Variants in ABCA13 observed in about 807,000 individuals in gnomAD.
ABCA13 encodes the protein ATP-binding cassette sub-family A member 13.
ABCA13 carries 476 observed loss-of-function variants against 478.7 expected under a neutral mutation model. That is an observed-to-expected ratio of 0.99 (90% CI 0.92 to 1.07). The LOEUF (loss-of-function observed/expected upper bound fraction) is 1.07, where lower values mean the gene tolerates loss of function less well. Ranked by LOEUF, ABCA13 falls within the 50% of genes least tolerant of loss-of-function variation. The pLI, the probability that ABCA13 is intolerant of heterozygous loss-of-function variation, is 0.00. For synonymous variants in ABCA13, 2,252 were observed against 2,158.9 expected (o/e 1.04, Z -1.20); for missense variants, 6,060 against 5,910.6 (o/e 1.03, Z -0.83).
At chr7:48,382,676 C>CT (rs1264223968) in intron 35 of ABCA13, among the ~76,000 whole-genome samples, 1 of 151,934 alleles carries the variant, frequency 6.6e-6, no homozygotes, top group African/African-American at 2.4e-5. Flanking sequence ...ATTCTCATTC[C>CT]TTTTTCTTGG....
intron 23 of ABCA13, 65 bp from the exon 24 acceptor site, chr7:48,309,882 T>G: frequency 6.3e-7 from 1 of 1,575,684 alleles, no homozygotes; most frequent in Non-Finnish European, 8.7e-7. Flanking sequence ...GAAGCTCCGG[T>G]CTGAGGTGGT....
chr7:48,256,108 AG>A (rs1271991591), intron 15 of ABCA13, among the ~76,000 whole-genome samples: 5 of 152,128 alleles, frequency 3.3e-5, no homozygotes, highest in Non-Finnish European at 5.9e-5. Context: ...TCTTCTAAAA[AG>A]TGTCTGTTCA....
At chr7:48,332,898 A>G (rs765688203) in intron 27 of ABCA13, among the ~76,000 whole-genome samples, 2 of 152,122 alleles carry the variant, frequency 1.3e-5, no homozygotes, top group Non-Finnish European at 2.9e-5. Flanking sequence ...AAGTTTAATT[A>G]TGGTGTGGTT....
intron 42 of ABCA13, among the ~76,000 whole-genome samples, chr7:48,435,182 G>GTAACA (rs1822669074): frequency 6.6e-6 from 1 of 151,738 alleles, no homozygotes; most frequent in African/African-American, 2.4e-5. Context: ...ATTTTCTTCA[G>GTAACA]TAACATTTTG....
At chr7:48,214,088 C>T (rs577935572) in intron 3 of ABCA13, among the ~76,000 whole-genome samples, 6 of 152,326 alleles carry the variant, frequency 3.9e-5, no homozygotes, top group South Asian at 2.1e-4. Flanking sequence ...TCTTGCTCCA[C>T]GTGCTGCAGA....
At chr7:48,307,675 C>CTTTA (rs1213023108) in intron 23 of ABCA13, among the ~76,000 whole-genome samples, 3 of 152,048 alleles carry the variant, frequency 2.0e-5, no homozygotes, top group South Asian at 2.1e-4. Context: ...ACTTTATAAA[C>CTTTA]TTTATTTATT....
chr7:48,350,275 CT>C (rs112560282), intron 29 of ABCA13, among the ~76,000 whole-genome samples: 5,498 of 151,826 alleles, frequency 0.036, 122 homozygotes, highest in South Asian at 0.058. Flanking sequence ...CAGGTTGGAA[CT>C]TTTTTTTTCC....
At chr7:48,353,040 T>G (rs1809302521) in intron 31 of ABCA13, among the ~76,000 whole-genome samples, 3 of 151,824 alleles carry the variant, frequency 2.0e-5, no homozygotes, top group Admixed American at 1.3e-4. Flanking sequence ...ACAAGAGGAC[T>G]TGGAGGGGAC....
At chr7:48,244,532 G>C in intron 10 of ABCA13, 44 bp from the exon 11 acceptor site, 1 of 1,583,790 alleles carries the variant, frequency 6.3e-7, no homozygotes, top group Non-Finnish European at 8.6e-7. Flanking sequence ...TTGGCACTTC[G>C]AACTACTTTT....
chr7:48,400,258 G>T (rs914680792), intron 38 of ABCA13, among the ~76,000 whole-genome samples: 5 of 152,180 alleles, frequency 3.3e-5, no homozygotes, highest in African/African-American at 1.2e-4. Context: ...TCAAGGATAA[G>T]ATTTGATTTA....
intron 4 of ABCA13, among the ~76,000 whole-genome samples, 159 bp from the exon 5 acceptor site, chr7:48,221,122 A>G (rs1295212304): frequency 6.6e-6 from 1 of 152,182 alleles, no homozygotes; most frequent in Non-Finnish European, 1.5e-5. Context: ...CTTCAGATAA[A>G]TCTTATGAAG....
At chr7:48,235,666 T>A (rs894467398) in intron 8 of ABCA13, among the ~76,000 whole-genome samples, 1 of 152,204 alleles carries the variant, frequency 6.6e-6, no homozygotes, top group Non-Finnish European at 1.5e-5. Context: ...CAAGGGGACA[T>A]ACTGTTGTGG....
chr7:48,633,939 G>GATAGATACATAGATAGATAGATAC (rs142671361), intron 59 of ABCA13, among the ~76,000 whole-genome samples: 84 of 99,932 alleles, frequency 8.4e-4, no homozygotes, highest in African/African-American at 3.3e-3. Context: ...TACATAGATA[G>GATAGATACATAGATAGATAGATAC]ATAGATAGAT....
intron 4 of ABCA13, 144 bp from the exon 5 acceptor site, chr7:48,221,137 A>C (rs184003129): frequency 6.0e-6 from 3 of 496,466 alleles, no homozygotes; most frequent in African/African-American, 6.0e-5. Context: ...ATGAAGATAG[A>C]TTTATTCTTC....
intron 55 of ABCA13, among the ~76,000 whole-genome samples, chr7:48,564,207 A>T (rs1172351793): frequency 6.6e-6 from 1 of 152,008 alleles, no homozygotes; most frequent in African/African-American, 2.4e-5. Context: ...TAACTGTCAT[A>T]TATGGTCCTG....
chr7:48,569,773 C>T (rs1787427612), intron 55 of ABCA13, among the ~76,000 whole-genome samples: 1 of 152,172 alleles, frequency 6.6e-6, no homozygotes, highest in South Asian at 2.1e-4. Flanking sequence ...GGTCTGCTCA[C>T]CTTGGTCTCC....
intron 55 of ABCA13, among the ~76,000 whole-genome samples, chr7:48,557,584 G>T (rs912451249): frequency 6.6e-6 from 1 of 152,062 alleles, no homozygotes; most frequent in Non-Finnish European, 1.5e-5. Context: ...GAGCTTCATT[G>T]TATGTTATTT....
intron 44 of ABCA13, among the ~76,000 whole-genome samples, chr7:48,470,502 C>T (rs994468668): frequency 2.0e-5 from 3 of 152,120 alleles, no homozygotes; most frequent in African/African-American, 4.8e-5. Context: ...TGATTAAATA[C>T]GTAACTCTCT....
intron 58 of ABCA13, among the ~76,000 whole-genome samples, chr7:48,611,191 C>G (rs1791990285): frequency 6.6e-6 from 1 of 152,170 alleles, no homozygotes; most frequent in South Asian, 2.1e-4. Context: ...GCTCCAGTTT[C>G]CAATAAGTTT....
Sources: allele counts gnomAD v4.1 joint callset (sites outside exome capture counted in the v4.1 genomes callset), GRCh38; gene constraint gnomAD v4.1.1; transcripts MANE v1.5; gene names NCBI Gene and HGNC (gene_info 2026-07-23, HGNC 2026-07-21).